WDR49: variants seen among roughly 807,000 people sequenced by gnomAD.
The protein encoded by WDR49 is WD repeat domain 49.
WDR49 carries 107 observed loss-of-function variants against 119.5 expected under a neutral mutation model. That is an observed-to-expected ratio of 0.90 (90% confidence interval 0.77 to 1.05). The LOEUF (loss-of-function observed/expected upper bound fraction) is 1.05, where lower values mean the gene tolerates loss of function less well. Ranked by LOEUF, WDR49 falls within the 50% of genes least tolerant of loss-of-function variation. The pLI, the probability that WDR49 is intolerant of heterozygous loss-of-function variation, is 0.00. For missense variants in WDR49, 1,240 were observed against 1,220.5 expected, an observed-to-expected ratio of 1.02 and a Z score of -0.24; for synonymous variants, 425 against 418.8, an observed-to-expected ratio of 1.01 and a Z score of -0.18.
At chr3:167,528,412 T>A (rs1397276137) in intron 14 of WDR49, among the ~76,000 whole-genome samples, 2 of 151,808 alleles carry the variant, frequency 1.3e-5, no homozygotes, top group African/African-American at 4.8e-5. Context: ...GTAACAATAA[T>A]GTTAAATGAA....
chr3:167,595,400 C>T (rs957905766), intron 7 of WDR49, among the ~76,000 whole-genome samples: 8 of 152,110 alleles, frequency 5.3e-5, no homozygotes, highest in African/African-American at 1.4e-4. Flanking sequence ...AAAAAGAGCC[C>T]GCATTGCCAA....
intron 7 of WDR49, among the ~76,000 whole-genome samples, chr3:167,589,974 T>C (rs929256759): frequency 6.6e-6 from 1 of 152,090 alleles, no homozygotes. Flanking sequence ...GTGGGCATTC[T>C]TCAGATCTTA....
At chr3:167,578,526 A>G (rs1388011668) in intron 7 of WDR49, among the ~76,000 whole-genome samples, 1 of 151,374 alleles carries the variant, frequency 6.6e-6, no homozygotes, top group East Asian at 1.9e-4. Context: ...AATTACTAAT[A>G]CTCCTTTTCT....
intron 8 of WDR49, among the ~76,000 whole-genome samples, chr3:167,564,917 C>A (rs1713504002): frequency 6.6e-6 from 1 of 151,332 alleles, no homozygotes; most frequent in African/African-American, 2.4e-5. Flanking sequence ...AAAAAAAAAA[C>A]AGGAATCAAA....
At chr3:167,597,810 T>C in intron 7 of WDR49, among the ~76,000 whole-genome samples, 1 of 152,196 alleles carries the variant, frequency 6.6e-6, no homozygotes, top group East Asian at 1.9e-4. Context: ...AATTTCTCCC[T>C]TTTGGAATGG....
intron 5 of WDR49, among the ~76,000 whole-genome samples, chr3:167,607,311 A>G (rs528246403): frequency 6.6e-6 from 1 of 152,312 alleles, no homozygotes; most frequent in East Asian, 1.9e-4. Flanking sequence ...TCAGAGAGAA[A>G]CTTTGCTCCT....
chr3:167,607,948 G>C (rs540046433), intron 5 of WDR49, among the ~76,000 whole-genome samples: 14 of 152,092 alleles, frequency 9.2e-5, no homozygotes, highest in Middle Eastern at 3.4e-3. Context: ...ACGGAGGGAG[G>C]AAAAAAGGAA....
rs536373563 is a variant in WDR49 at position 167,516,437 on chromosome 3, T to C, written c.2774+5878A>G. Among the ~76,000 whole-genome samples, 919 of 152,236 alleles carry C rather than the reference T, an allele frequency of 6.0e-3. 3 individuals carry two copies. Among genetic ancestry groups the C allele is most frequent in the African/African-American group, 0.021 (875 of 41,530 alleles). Reference sequence around the variant, plus strand: ...CTACAAAGGACATGAACGCATCATTTTTTATGGCTGCATAGTATTCCATGG... The same window carrying C: ...CTACAAAGGACATGAACGCATCATTCTTTATGGCTGCATAGTATTCCATGG... On this transcript the variant is annotated intron_variant, in intron 16 of 18. Coordinates refer to ENST00000682715, the MANE Select transcript of WDR49 (RefSeq NM_001366157.1).
chr3:167,583,489 G>C (rs1204214685), intron 7 of WDR49, among the ~76,000 whole-genome samples: 1 of 151,980 alleles, frequency 6.6e-6, no homozygotes, highest in East Asian at 1.9e-4. Flanking sequence ...GATGCCAGGA[G>C]CTTGAGACCA....
intron 7 of WDR49, among the ~76,000 whole-genome samples, chr3:167,586,078 C>A (rs965617781): frequency 1.3e-5 from 2 of 152,106 alleles, no homozygotes; most frequent in Non-Finnish European, 2.9e-5. Context: ...TTCTTACCAA[C>A]CATAGGTCTA....
intron 7 of WDR49, among the ~76,000 whole-genome samples, chr3:167,594,321 G>A (rs1172020327): frequency 1.3e-5 from 2 of 152,176 alleles, no homozygotes; most frequent in Non-Finnish European, 2.9e-5. Flanking sequence ...TTCATGCTGA[G>A]GTGGTCTCAG....
At chr3:167,582,113 C>T (rs981442818) in intron 7 of WDR49, among the ~76,000 whole-genome samples, 1 of 151,578 alleles carries the variant, frequency 6.6e-6, no homozygotes, top group Non-Finnish European at 1.5e-5. Flanking sequence ...CAGCCCAGCT[C>T]ACCGGGAGCA....
intron 2 of WDR49, 84 bp downstream of exon 2, chr3:167,653,177 G>A: frequency 7.0e-7 from 1 of 1,427,482 alleles, no homozygotes; most frequent in Non-Finnish European, 9.5e-7. Flanking sequence ...TTTTTTTAAT[G>A]CTTAAAGAAA....
At position 167,592,476 on chromosome 3, in the gene WDR49, C is replaced by T. The variant is rs189514018; in HGVS notation, c.1275+9651G>A. The stretch of plus-strand genomic sequence containing the variant: ...TTTGAGATGGAGTCTCACTCTGTCG[C>T]CAAGCTGGAGTGCAATAGCACCATC... On this transcript the variant is annotated intron_variant, in intron 7 of 18. Coordinates refer to ENST00000682715, the MANE Select transcript of WDR49 (RefSeq NM_001366157.1). Among the ~76,000 whole-genome samples, 334 of 148,916 alleles carry T rather than the reference C, an allele frequency of 2.2e-3. 1 individual carries two copies. Among genetic ancestry groups the T allele is most frequent in the African/African-American group, 7.8e-3 (312 of 40,056 alleles).
chr3:167,624,462 TA>T (rs1187059262), intron 3 of WDR49, among the ~76,000 whole-genome samples: 1 of 151,980 alleles, frequency 6.6e-6, no homozygotes, highest in Admixed American at 6.6e-5. Context: ...TTGCTTAACA[TA>T]AAAAGGGATT....
intron 10 of WDR49, among the ~76,000 whole-genome samples, chr3:167,538,533 A>C (rs1711607240): frequency 6.6e-6 from 1 of 152,106 alleles, no homozygotes. Context: ...TACTGCTTCT[A>C]GTCTACCCAT....
At chr3:167,560,322 C>T (rs1035453059) in intron 8 of WDR49, 94 bp from the exon 9 acceptor site, 9 of 1,230,620 alleles carry the variant, frequency 7.3e-6, no homozygotes, top group Non-Finnish European at 9.9e-6. Flanking sequence ...CATTTCTAGT[C>T]CAAAGATCCC....
At chr3:167,566,936 G>GGT in intron 8 of WDR49, 1 of 636,718 alleles carries the variant, frequency 1.6e-6, no homozygotes, top group South Asian at 1.8e-5. Context: ...ACTGTCTCGG[G>GGT]GTGACAGAGA....
intron 7 of WDR49, among the ~76,000 whole-genome samples, chr3:167,577,914 T>C (rs1714331330): frequency 6.6e-6 from 1 of 152,132 alleles, no homozygotes; most frequent in East Asian, 1.9e-4. Context: ...CCCACAGCCA[T>C]ATATATGTAC....
Sources: gnomAD v4.1 joint callset for allele counts (sites outside exome capture counted in the v4.1 genomes callset) on GRCh38, gnomAD v4.1.1 for gene constraint, MANE v1.5 for transcripts, NCBI Gene and HGNC (gene_info 2026-07-23, HGNC 2026-07-21) for gene names.